FKBP5: variants seen among roughly 807,000 people sequenced by gnomAD.
FKBP5 encodes the protein peptidyl-prolyl cis-trans isomerase FKBP5.
In FKBP5, 23 loss-of-function variants were observed where a neutral mutation model predicts 50.5. The observed-to-expected ratio is 0.46, with a 90% CI of 0.33 to 0.65. The LOEUF (loss-of-function observed/expected upper bound fraction) is 0.65, where lower values mean the gene tolerates loss of function less well. FKBP5 is among the 30% of genes least tolerant of loss of function. The pLI, the probability that FKBP5 is intolerant of heterozygous loss-of-function variation, is 0.02. For missense variants in FKBP5, 411 were observed against 553.1 expected, an observed-to-expected ratio of 0.74 and a Z score of 2.58; for synonymous variants, 176 against 190.6, an observed-to-expected ratio of 0.92 and a Z score of 0.63.
chr6:35,641,679 C>A (rs1371075862), intron 2 of FKBP5, among the ~76,000 whole-genome samples: 2 of 152,194 alleles, frequency 1.3e-5, no homozygotes, highest in Non-Finnish European at 2.9e-5. Flanking sequence ...GATATCTTCA[C>A]TGTACACAGG....
intron 8 of FKBP5, chr6:35,584,750 C>T (rs1762550064): frequency 1.0e-6 from 1 of 985,358 alleles, no homozygotes. Flanking sequence ...ATTAATTTTT[C>T]CCCAATGGAC....
intron 8 of FKBP5, chr6:35,583,513 GC>G (rs1762508191): frequency 4.1e-6 from 4 of 985,366 alleles, no homozygotes; most frequent in Non-Finnish European, 3.6e-6. Flanking sequence ...CTTCCAATTA[GC>G]GAAAAGTCTG....
chr6:35,606,465 G>A (rs1763318793), intron 5 of FKBP5, among the ~76,000 whole-genome samples: 1 of 151,872 alleles, frequency 6.6e-6, no homozygotes, highest in Non-Finnish European at 1.5e-5. Flanking sequence ...AGACCATCCT[G>A]TCTAACACGG....
chr6:35,674,571 G>A (rs1232309664), intron 1 of FKBP5, among the ~76,000 whole-genome samples: 2 of 152,136 alleles, frequency 1.3e-5, no homozygotes, highest in African/African-American at 4.8e-5. Flanking sequence ...TGTTCTATCT[G>A]AAATGCATTC....
At chr6:35,687,883 G>T (rs1459147533) in intron 1 of FKBP5, among the ~76,000 whole-genome samples, 7 of 152,188 alleles carry the variant, frequency 4.6e-5, no homozygotes, top group African/African-American at 1.7e-4. Context: ...TGGTCCTGCC[G>T]GTTCGTTAAT....
intron 1 of FKBP5, among the ~76,000 whole-genome samples, chr6:35,686,225 T>C (rs1765823709): frequency 2.0e-5 from 3 of 152,096 alleles, no homozygotes; most frequent in Non-Finnish European, 4.4e-5. Context: ...GAAACTGAAA[T>C]TGTAGTTGAT....
At chr6:35,651,120 G>A (rs1003731010) in intron 1 of FKBP5, among the ~76,000 whole-genome samples, 2 of 152,112 alleles carry the variant, frequency 1.3e-5, no homozygotes, top group Non-Finnish European at 2.9e-5. Context: ...GAGGAAAAAA[G>A]TATATATGTG....
At chr6:35,681,830 A>G (rs1765669212) in intron 1 of FKBP5, among the ~76,000 whole-genome samples, 1 of 152,334 alleles carries the variant, frequency 6.6e-6, no homozygotes, top group South Asian at 2.1e-4. Context: ...ATATTTATAC[A>G]TATGTGTAAT....
intron 1 of FKBP5, among the ~76,000 whole-genome samples, chr6:35,657,740 T>C (rs1764994021): frequency 6.6e-6 from 1 of 152,190 alleles, no homozygotes; most frequent in Non-Finnish European, 1.5e-5. Flanking sequence ...TCTCTCAAGC[T>C]TGGAATTCCA....
chr6:35,578,768 C>CAAAA, intron 9 of FKBP5, among the ~76,000 whole-genome samples: 1 of 134,912 alleles, frequency 7.4e-6, no homozygotes. Context: ...ACTCCATCTC[C>CAAAA]AAAAAAAAAA....
chr6:35,580,845 C>T, intron 8 of FKBP5: 1 of 985,144 alleles, frequency 1.0e-6, no homozygotes, highest in South Asian at 4.7e-5. Flanking sequence ...CTGGCCTATT[C>T]TTTAGTCTTT....
At chr6:35,597,200 C>T in intron 6 of FKBP5, 48 bp downstream of exon 6, 1 of 1,598,816 alleles carries the variant, frequency 6.3e-7, no homozygotes, top group Non-Finnish European at 8.5e-7. Context: ...AAGCATATCC[C>T]TGTCCTTTAG....
chr6:35,606,873 G>T (rs1189325916), intron 5 of FKBP5, among the ~76,000 whole-genome samples: 1 of 151,998 alleles, frequency 6.6e-6, no homozygotes, highest in Non-Finnish European at 1.5e-5. Flanking sequence ...ACAACCAAAG[G>T]AAAATAAATC....
intron 3 of FKBP5, among the ~76,000 whole-genome samples, chr6:35,624,072 G>A (rs1350880229): frequency 6.6e-6 from 1 of 152,028 alleles, no homozygotes. Context: ...TGGCTCAAGT[G>A]ATCCTCCCAC....
intron 1 of FKBP5, among the ~76,000 whole-genome samples, chr6:35,653,593 T>G (rs998875447): frequency 6.6e-6 from 1 of 152,186 alleles, no homozygotes; most frequent in Non-Finnish European, 1.5e-5. Flanking sequence ...TGATTTGAAT[T>G]CATTCATGTT....
At chr6:35,677,287 G>A (rs1000006055) in intron 1 of FKBP5, among the ~76,000 whole-genome samples, 2 of 151,994 alleles carry the variant, frequency 1.3e-5, no homozygotes, top group Non-Finnish European at 2.9e-5. Context: ...GTTAGCCAGA[G>A]TGGTCTCGAT....
chr6:35,605,639 C>T (rs146992264), intron 5 of FKBP5, among the ~76,000 whole-genome samples: 1 of 152,136 alleles, frequency 6.6e-6, no homozygotes, highest in Non-Finnish European at 1.5e-5. Flanking sequence ...CTCATGCAAT[C>T]CTCCTGCCTC....
chr6:35,645,453 A>G (rs1318581205), intron 1 of FKBP5, among the ~76,000 whole-genome samples: 6 of 152,144 alleles, frequency 3.9e-5, no homozygotes. Context: ...AAAAAGAGAG[A>G]GAAAGAGAGA....
chr6:35,621,730 C>T (rs1343353083), intron 3 of FKBP5, among the ~76,000 whole-genome samples: 4 of 152,116 alleles, frequency 2.6e-5, no homozygotes, highest in Non-Finnish European at 5.9e-5. Flanking sequence ...AGCTGTAATC[C>T]CAGCACTTTG....
Sources: allele counts gnomAD v4.1 joint callset (sites outside exome capture counted in the v4.1 genomes callset), GRCh38; gene constraint gnomAD v4.1.1; transcripts MANE v1.5; gene names NCBI Gene and HGNC (gene_info 2026-07-23, HGNC 2026-07-21).